Variants in CFH observed in about 807,000 individuals in gnomAD.
CFH encodes the protein complement factor H.
In CFH, 53 loss-of-function variants were observed where a neutral mutation model predicts 147.3. The observed-to-expected ratio is 0.36, with a 90% CI of 0.29 to 0.45. CFH has a LOEUF of 0.45. Among genes scored for constraint, CFH ranks in the 20% least tolerant of loss-of-function variants. The pLI is 1.00. For synonymous variants in CFH, 536 were observed against 489.4 expected, an observed-to-expected ratio of 1.10 and a Z score of -1.26; for missense variants, 1,380 against 1,498.0, an observed-to-expected ratio of 0.92 and a Z score of 1.30.
rs943368915 is a variant in CFH at position 196,673,791 on chromosome 1, C to T, written c.245-66C>T. The T allele has an allele frequency of 7.4e-6, 7 of 945,838 alleles. No homozygotes were observed. In the African/African-American group the frequency reaches 1.1e-4, roughly 15 times the overall value. The allele number at this position is 945,838 out of a possible 1,614,324, so 58.6% of individuals were successfully genotyped here. ...TATAATATCAAATATACTTGTTCCCCCACTCCTACATAAAATATATTCCTT... is the reference window on the plus strand; with the variant it reads ...TATAATATCAAATATACTTGTTCCCTCACTCCTACATAAAATATATTCCTT... On this transcript the variant is annotated intron_variant, in intron 2 of 21. Coordinates refer to ENST00000367429, the MANE Select transcript of CFH (RefSeq NM_000186.4).
At chr1:196,652,220 A>G (rs1468349772) in intron 1 of CFH, 45 bp downstream of exon 1, 2 of 1,418,932 alleles carry the variant, frequency 1.4e-6, no homozygotes, top group African/African-American at 2.8e-5. Context: ...ATTATGAAAC[A>G]TTTGCTAATG....
intron 11 of CFH, among the ~76,000 whole-genome samples, chr1:196,719,094 A>G (rs929955450): frequency 1.3e-5 from 2 of 152,084 alleles, no homozygotes; most frequent in Non-Finnish European, 2.9e-5. Flanking sequence ...TTAAAAATTC[A>G]TATTAACATT....
chr1:196,746,021 T>G (rs775535081), intron 21 of CFH, 22 bp downstream of exon 21: 100 of 1,613,984 alleles, frequency 6.2e-5, no homozygotes, highest in Non-Finnish European at 8.5e-5. Flanking sequence ...AATATTCACG[T>G]GGCTGGAAAA....
chr1:196,726,419 T>G lies in CFH; in HGVS notation c.1874-51T>G, dbSNP rs753728324. 3 of 1,381,492 alleles carry G rather than the reference T, an allele frequency of 2.2e-6. No individual in the cohort carries two copies. In the South Asian group the frequency reaches 3.7e-5, roughly 17 times the overall value. The allele number at this position is 1,381,492 out of a possible 1,614,324, so 85.6% of individuals were successfully genotyped here. A position where few individuals can be genotyped will look rare whatever the true frequency, so the allele number is the denominator to read the frequency against. On this transcript the variant is annotated intron_variant, in intron 12 of 21. Transcript: ENST00000367429. ...ATCTTTCCATTTTACTGAATTTTTA[T>G]ATTGTAAAACAGACAATTTAACCAT...
intron 1 of CFH, among the ~76,000 whole-genome samples, chr1:196,656,521 A>G (rs905760637): frequency 1.3e-5 from 2 of 152,032 alleles, no homozygotes; most frequent in Admixed American, 6.5e-5. Context: ...TCTAGTCACT[A>G]CTGTCTACTA....
At chr1:196,729,120 T>C (rs1018530142) in intron 15 of CFH, among the ~76,000 whole-genome samples, 17 of 152,176 alleles carry the variant, frequency 1.1e-4, no homozygotes, top group South Asian at 4.1e-4. Context: ...GCTATCCAAT[T>C]GTGGGTTTCC....
chr1:196,733,740 C>G (rs533976565), intron 15 of CFH, among the ~76,000 whole-genome samples: 1 of 152,124 alleles, frequency 6.6e-6, no homozygotes, highest in African/African-American at 2.4e-5. Context: ...TTTGTGTGGA[C>G]AAACTTGTTC....
intron 5 of CFH, 110 bp from the exon 6 acceptor site, chr1:196,679,513 T>C: frequency 2.6e-6 from 2 of 777,410 alleles, no homozygotes; most frequent in Non-Finnish European, 4.2e-6. Context: ...TTTTGTTTGG[T>C]TGACTGATTT....
intron 9 of CFH, among the ~76,000 whole-genome samples, chr1:196,712,842 CAT>C (rs755469417): frequency 1.3e-3 from 195 of 146,822 alleles, no homozygotes; most frequent in South Asian, 2.4e-3. Flanking sequence ...GTTCAGTTCC[CAT>C]CTATGAGTGA....
intron 19 of CFH, among the ~76,000 whole-genome samples, chr1:196,742,593 C>T (rs887064348): frequency 1.3e-5 from 2 of 152,094 alleles, no homozygotes; most frequent in Non-Finnish European, 2.9e-5. Context: ...AGTGTGGTCG[C>T]TAAACCGGTA....
intron 9 of CFH, chr1:196,701,529 G>A (rs1030165060): frequency 1.5e-6 from 1 of 683,566 alleles, no homozygotes; most frequent in Non-Finnish European, 2.4e-6. Context: ...AATGGGGCTG[G>A]TGGCTTTGAG....
chr1:196,714,523 T>A (rs1188126265), intron 10 of CFH, among the ~76,000 whole-genome samples: 4 of 149,814 alleles, frequency 2.7e-5, no homozygotes, highest in African/African-American at 9.8e-5. Context: ...TACCACACTA[T>A]CTAGATATTT....
chr1:196,726,645 G>C lies in CFH; in HGVS notation c.2049G>C (p.Val683=), dbSNP rs778685961. 6.2e-7 allele frequency: 1 copy of C among 1,607,570 alleles called. No individual in the cohort carries two copies. The highest frequency in any genetic ancestry group is 1.3e-5 in the African/African-American group (1 of 74,892). ...CVDGEWTTLP[V]CIVEESTCGD... The stretch of plus-strand genomic sequence containing the variant: ...ATGGAGAGTGGACAACTTTACCAGT[G>C]TGTATTGGTAATGTATAAAATATTA... Residue 683 remains valine, a synonymous_variant, in exon 13 of 22, where the codon GTG becomes GTC. Transcript: ENST00000367429.
intron 9 of CFH, among the ~76,000 whole-genome samples, chr1:196,692,896 TC>T (rs1668113937): frequency 8.9e-6 from 1 of 112,724 alleles, no homozygotes; most frequent in Non-Finnish European, 1.8e-5. Context: ...CCTCCCTCCC[TC>T]CCTCCCTTCC....
chr1:196,728,901 G>A (rs968442328), intron 15 of CFH, among the ~76,000 whole-genome samples: 2 of 151,822 alleles, frequency 1.3e-5, no homozygotes, highest in African/African-American at 4.8e-5. Flanking sequence ...CTGTATGCAT[G>A]TATGTATGTA....
intron 1 of CFH, among the ~76,000 whole-genome samples, chr1:196,666,883 C>T (rs1667114449): frequency 1.3e-5 from 2 of 150,368 alleles, no homozygotes; most frequent in South Asian, 4.2e-4. Flanking sequence ...TTAGCAATGT[C>T]TAGTGGTCAG....
At chr1:196,741,484 C>A in intron 18 of CFH, 1 of 260,958 alleles carries the variant, frequency 3.8e-6, no homozygotes, top group Non-Finnish European at 7.4e-6. Flanking sequence ...GAAACTGCCA[C>A]CATGATCCAA....
intron 11 of CFH, among the ~76,000 whole-genome samples, chr1:196,722,994 C>A (rs1469577827): frequency 1.3e-5 from 2 of 151,056 alleles, no homozygotes; most frequent in Non-Finnish European, 3.0e-5. Flanking sequence ...TTTCTAATTT[C>A]TTTGTGTTGC....
intron 1 of CFH, among the ~76,000 whole-genome samples, chr1:196,661,378 C>A (rs1469523913): frequency 6.6e-6 from 1 of 152,116 alleles, no homozygotes; most frequent in Non-Finnish European, 1.5e-5. Flanking sequence ...TGGGCTGCTA[C>A]AACAAAATAT....
Sources: allele counts gnomAD v4.1 joint callset (sites outside exome capture counted in the v4.1 genomes callset), GRCh38; gene constraint gnomAD v4.1.1; transcripts MANE v1.5; gene names NCBI Gene and HGNC (gene_info 2026-07-23, HGNC 2026-07-21).